Variants in EXOC6B observed in about 807,000 individuals in gnomAD.
EXOC6B encodes the protein exocyst complex component 6B, also known as SEC15 homolog B.
A neutral mutation model predicts 113.5 loss-of-function variants in EXOC6B; 54 were observed. That is an observed-to-expected ratio of 0.48 (90% CI 0.38 to 0.60). EXOC6B has a LOEUF of 0.60. Ranked by LOEUF, EXOC6B falls within the 20% of genes least tolerant of loss-of-function variation. The pLI is 0.00. For missense variants in EXOC6B, 797 were observed against 977.5 expected, an observed-to-expected ratio of 0.82 and a Z score of 2.46; for synonymous variants, 357 against 339.0, an observed-to-expected ratio of 1.05 and a Z score of -0.58.
At chr2:72,822,363 GC>G (rs1686630227) in intron 1 of EXOC6B, among the ~76,000 whole-genome samples, 1 of 152,122 alleles carries the variant, frequency 6.6e-6, no homozygotes, top group Non-Finnish European at 1.5e-5. Context: ...AGTTTGCTAG[GC>G]AACACCCTCT....
chr2:72,286,979 A>G (rs1156483304), intron 20 of EXOC6B, among the ~76,000 whole-genome samples: 1 of 152,192 alleles, frequency 6.6e-6, no homozygotes, highest in Non-Finnish European at 1.5e-5. Context: ...AAAGCTAAAA[A>G]TGTGTCTCAG....
chr2:72,403,504 T>C (rs906252135), intron 18 of EXOC6B, among the ~76,000 whole-genome samples: 13 of 152,028 alleles, frequency 8.6e-5, no homozygotes, highest in African/African-American at 2.4e-4. Context: ...CTGGGAAACA[T>C]AGTGAGACCT....
intron 11 of EXOC6B, among the ~76,000 whole-genome samples, chr2:72,511,926 G>A (rs965159018): frequency 1.3e-5 from 2 of 152,050 alleles, no homozygotes; most frequent in African/African-American, 4.8e-5. Flanking sequence ...CAACTAGATG[G>A]ATACTACAGT....
chr2:72,329,032 G>A (rs1362871598), intron 20 of EXOC6B, among the ~76,000 whole-genome samples: 1 of 152,066 alleles, frequency 6.6e-6, no homozygotes, highest in Non-Finnish European at 1.5e-5. Flanking sequence ...TATTTCAACT[G>A]AGCGCTTGGA....
intron 20 of EXOC6B, among the ~76,000 whole-genome samples, chr2:72,292,783 T>C (rs1240505027): frequency 2.6e-5 from 4 of 152,184 alleles, no homozygotes; most frequent in African/African-American, 9.6e-5. Flanking sequence ...TGGAATCATA[T>C]AATATAAAAC....
chr2:72,320,497 T>A (rs1441656700), intron 20 of EXOC6B, among the ~76,000 whole-genome samples: 1 of 152,160 alleles, frequency 6.6e-6, no homozygotes, highest in Admixed American at 6.5e-5. Flanking sequence ...TTTTAACAAA[T>A]GGTGCTGGAA....
At chr2:72,719,423 A>G (rs369902836) in intron 5 of EXOC6B, among the ~76,000 whole-genome samples, 15 of 152,336 alleles carry the variant, frequency 9.8e-5, no homozygotes, top group African/African-American at 2.6e-4. Context: ...AGGGCTTGAT[A>G]AACTCCGCAA....
chr2:72,312,461 A>G (rs918902970), intron 20 of EXOC6B, among the ~76,000 whole-genome samples: 18 of 152,214 alleles, frequency 1.2e-4, no homozygotes, highest in African/African-American at 4.3e-4. Flanking sequence ...AATAAATGCC[A>G]TCTTCTAAAA....
chr2:72,521,229 G>A (rs996858159), intron 8 of EXOC6B, among the ~76,000 whole-genome samples: 1 of 152,034 alleles, frequency 6.6e-6, no homozygotes, highest in African/African-American at 2.4e-5. Flanking sequence ...GGAGGATAAG[G>A]CAATAAGTTG....
rs143016872 is a variant in EXOC6B at position 72,467,201 on chromosome 2, A to G, written c.1801-1862T>C. 6.7e-3 allele frequency among the ~76,000 whole-genome samples: 1,024 copies of G among 152,324 alleles called. 5 individuals carry two copies. Among genetic ancestry groups the G allele is most frequent in the Non-Finnish European group, 0.01 (711 of 68,028 alleles). On this transcript the variant is annotated intron_variant, in intron 17 of 21. Transcript: ENST00000272427. Reference sequence around the variant, plus strand: ...AAGACTGTATAGTATTGCATTCTGTATACATACTACATTTTCTTTATGCAT... The same window carrying G: ...AAGACTGTATAGTATTGCATTCTGTGTACATACTACATTTTCTTTATGCAT...
At chr2:72,743,617 T>G (rs1558966807) in intron 1 of EXOC6B, among the ~76,000 whole-genome samples, 2 of 152,272 alleles carry the variant, frequency 1.3e-5, no homozygotes, top group East Asian at 3.9e-4. Flanking sequence ...GATTGTAAGT[T>G]CAAGGGCAAG....
chr2:72,466,884 T>C (rs1386115221), intron 17 of EXOC6B, among the ~76,000 whole-genome samples: 1 of 152,186 alleles, frequency 6.6e-6, no homozygotes, highest in East Asian at 1.9e-4. Flanking sequence ...CTAGCATTTT[T>C]CAAGAATATA....
At chr2:72,384,842 A>G (rs1691903904) in intron 18 of EXOC6B, among the ~76,000 whole-genome samples, 1 of 152,092 alleles carries the variant, frequency 6.6e-6, no homozygotes, top group African/African-American at 2.4e-5. Context: ...GTATAAAACA[A>G]TACTAAAAGA....
Position 72,467,990 on chromosome 2 carries a change from C to T in EXOC6B, c.1801-2651G>A, listed in dbSNP as rs1016098259. On this transcript the variant is annotated intron_variant, in intron 17 of 21. Coordinates refer to ENST00000272427, the MANE Select transcript of EXOC6B (RefSeq NM_015189.3). ...TTCACCATGTTGGCCAGGCTGGTCT[C>T]GAACTCTTGACCTCAAGTGATTCGC... Among the ~76,000 whole-genome samples, 4 of 152,156 alleles carry T rather than the reference C, an allele frequency of 2.6e-5. No homozygotes were observed. The South Asian group carries it at 6.2e-4, about 24-fold the overall frequency.
In EXOC6B at chr2:72,480,684, T is replaced by C; in HGVS notation, c.1732A>G (p.Thr578Ala). The change falls in exon 17 of 22, where the codon ACC becomes GCC. Residue 578 changes from threonine to alanine, a missense_variant. Thr to Ala is a moderately conservative substitution (Grantham distance 58, BLOSUM62 0). Coordinates refer to ENST00000272427, the MANE Select transcript of EXOC6B (RefSeq NM_015189.3). ...TCTGGAAGCACATTAGTGATGTTGG[T>C]GATAAATTCTTCCAAGTACTTACAG... ...KSCKYLEEFITNITNVLPETV... is the reference protein window; with the variant it reads ...KSCKYLEEFIANITNVLPETV... 1 of 1,593,942 alleles carries C rather than the reference T, an allele frequency of 6.3e-7. No individual in the cohort carries two copies. The highest frequency in any genetic ancestry group is 8.6e-7 in the Non-Finnish European group (1 of 1,168,902).
At chr2:72,376,928 T>C (rs1572993800) in intron 19 of EXOC6B, among the ~76,000 whole-genome samples, 2 of 152,204 alleles carry the variant, frequency 1.3e-5, no homozygotes, top group South Asian at 2.1e-4. Flanking sequence ...AGAGTCACTT[T>C]ATCTTGTGAA....
chr2:72,472,819 C>T (rs538890332), intron 17 of EXOC6B, among the ~76,000 whole-genome samples: 1 of 152,230 alleles, frequency 6.6e-6, no homozygotes, highest in Admixed American at 6.5e-5. Flanking sequence ...GTGCTTATTG[C>T]TATGAACTTC....
Position 72,352,271 on chromosome 2 carries a change from C to G in EXOC6B, c.2123-17251G>C, listed in dbSNP as rs1036200213. 7.6e-4 allele frequency among the ~76,000 whole-genome samples: 115 copies of G among 152,116 alleles called. 1 individual carries two copies. The highest frequency in any genetic ancestry group is 1.0e-4 in the Non-Finnish European group (7 of 68,016). ...GACCCTACCATACCACCTGCTCCTT[C>G]CAGAAAAGGAGTAGAAAATAGAGTA... On this transcript the variant is annotated intron_variant, in intron 19 of 21. Coordinates refer to ENST00000272427, the MANE Select transcript of EXOC6B (RefSeq NM_015189.3).
At chr2:72,229,144 T>C (rs2104458787) in intron 20 of EXOC6B, among the ~76,000 whole-genome samples, 1 of 152,310 alleles carries the variant, frequency 6.6e-6, no homozygotes, top group African/African-American at 2.4e-5. Context: ...TTGTTTCAAA[T>C]AAATCTCAGG....
Sources: allele counts gnomAD v4.1 joint callset (sites outside exome capture counted in the v4.1 genomes callset), GRCh38; gene constraint gnomAD v4.1.1; transcripts MANE v1.5; gene names NCBI Gene and HGNC (gene_info 2026-07-23, HGNC 2026-07-21).